The following DLG2 variants were observed in gnomAD, a reference collection of about 807,000 sequenced individuals.
DLG2 encodes the protein discs large MAGUK scaffold protein 2.
DLG2 carries 45 observed loss-of-function variants against 132.5 expected under a neutral mutation model. The ratio of observed to expected loss-of-function variants is 0.34; its 90% CI spans 0.27 to 0.44. The LOEUF (loss-of-function observed/expected upper bound fraction) is 0.44. Ranked by LOEUF, DLG2 falls within the 20% of genes least tolerant of loss-of-function variation. DLG2 has a pLI of 1.00. For missense variants in DLG2, 1,045 were observed against 1,196.9 expected (o/e 0.87, Z 1.87); for synonymous variants, 424 against 419.6 (o/e 1.01, Z -0.13).
In DLG2 at chr11:83,461,986, G is replaced by C. The variant is rs1229594953; in HGVS notation, c.2821+16C>G. ...TTATCCCCTTTCTCACACTACCAGG[G>C]TAAAAGTGAACTTACCTGTAAAATA... On this transcript the variant is annotated intron_variant, in intron 27 of 27. Coordinates refer to ENST00000376104, the MANE Select transcript of DLG2 (RefSeq NM_001142699.3). 1 of 1,542,852 alleles carries C rather than the reference G, an allele frequency of 6.5e-7. No individual in the cohort carries two copies. The highest frequency in any genetic ancestry group is 9.0e-7 in the Non-Finnish European group (1 of 1,115,326).
intron 7 of DLG2, among the ~76,000 whole-genome samples, chr11:84,378,853 A>T (rs1264622389): frequency 1.5e-5 from 1 of 68,090 alleles, no homozygotes; most frequent in Non-Finnish European, 2.6e-5. Flanking sequence ...GCTGAGGAAG[A>T]AAAAATCGTT....
chr11:84,413,436 C>A (rs1027323346), intron 7 of DLG2, among the ~76,000 whole-genome samples: 1 of 152,148 alleles, frequency 6.6e-6, no homozygotes, highest in African/African-American at 2.4e-5. Context: ...TTGAAGAATG[C>A]CAGGCAGCCT....
intron 20 of DLG2, among the ~76,000 whole-genome samples, chr11:83,538,572 G>A (rs1185869758): frequency 2.0e-5 from 3 of 152,178 alleles, no homozygotes; most frequent in Non-Finnish European, 4.4e-5. Flanking sequence ...CTGGTGTTTG[G>A]TCAGTGGCTG....
intron 18 of DLG2, chr11:83,651,831 C>G (rs757648658): frequency 2.1e-5 from 10 of 471,078 alleles, no homozygotes; most frequent in South Asian, 1.5e-4. Flanking sequence ...GAAAGATTTG[C>G]TCCCTACCTG....
intron 4 of DLG2, among the ~76,000 whole-genome samples, chr11:85,223,025 A>C (rs2074753817): frequency 6.6e-6 from 1 of 152,242 alleles, no homozygotes; most frequent in South Asian, 2.1e-4. Flanking sequence ...AACCTAAAGC[A>C]GCAGTCCAGG....
At chr11:83,821,788 C>T (rs1230248068) in intron 17 of DLG2, among the ~76,000 whole-genome samples, 3 of 151,886 alleles carry the variant, frequency 2.0e-5, no homozygotes, top group Non-Finnish European at 2.9e-5. Flanking sequence ...ACTTAATATA[C>T]ATGTATATGA....
intron 18 of DLG2, among the ~76,000 whole-genome samples, chr11:83,639,712 C>A (rs1271494633): frequency 1.4e-5 from 2 of 147,988 alleles, no homozygotes; most frequent in African/African-American, 5.0e-5. Context: ...ACATATGTAA[C>A]AAACCTGCAT....
chr11:84,396,119 G>GA (rs1262736124), intron 7 of DLG2, among the ~76,000 whole-genome samples: 21 of 152,238 alleles, frequency 1.4e-4, no homozygotes, highest in African/African-American at 4.1e-4. Flanking sequence ...TGTGATGTTA[G>GA]AACTTATTTA....
chr11:84,005,161 A>G lies in DLG2; in HGVS notation c.920-24519T>C, dbSNP rs2094523068. ...TGGTATAAAAATAGACACTTAGACC[A>G]ATGGAACAGAATAGAGAAGTCAGAA... On this transcript the variant is annotated intron_variant, in intron 11 of 27. Transcript: ENST00000376104. Among the ~76,000 whole-genome samples, 3 of 152,068 alleles carry G rather than the reference A, an allele frequency of 2.0e-5. No individual in the cohort carries two copies. The South Asian group carries it at 6.2e-4, about 31-fold the overall frequency.
intron 11 of DLG2, among the ~76,000 whole-genome samples, chr11:83,991,091 A>T (rs146743048): frequency 6.6e-6 from 1 of 152,332 alleles, no homozygotes; most frequent in African/African-American, 2.4e-5. Flanking sequence ...AATACCAAAA[A>T]AAAGTATGTT....
At chr11:85,546,530 C>A (rs2076335223) in intron 3 of DLG2, among the ~76,000 whole-genome samples, 1 of 152,120 alleles carries the variant, frequency 6.6e-6, no homozygotes, top group Admixed American at 6.5e-5. Context: ...GAGCTGAGTT[C>A]ACGTCCTGGA....
rs59518828 is a variant in DLG2 at position 83,699,734 on chromosome 11, A to AAAT, written c.1826-66412_1826-66410dup. On this transcript the variant is annotated intron_variant, in intron 18 of 27. Coordinates refer to ENST00000376104, the MANE Select transcript of DLG2 (RefSeq NM_001142699.3). ...AAAAAAAAACATAATAATAATTTAAAAATAATAATAATAATAATAATAATA... is the reference window on the plus strand; with the variant it reads ...AAAAAAAAACATAATAATAATTTAAAAATAATAATAATAATAATAATAATAATA... 3.5e-3 allele frequency among the ~76,000 whole-genome samples: 516 copies of AAAT among 146,806 alleles called. 4 individuals carry two copies. The highest frequency in any genetic ancestry group is 0.021 in the East Asian group (108 of 5,090).
intron 7 of DLG2, among the ~76,000 whole-genome samples, chr11:84,257,785 C>G (rs1379261391): frequency 6.7e-6 from 1 of 149,924 alleles, no homozygotes; most frequent in African/African-American, 2.5e-5. Context: ...CTCCCAAGCT[C>G]AAGCCATCCT....
chr11:84,295,997 C>T (rs757331500), intron 7 of DLG2, among the ~76,000 whole-genome samples: 12 of 152,136 alleles, frequency 7.9e-5, no homozygotes, highest in Non-Finnish European at 1.8e-4. Context: ...AAAGACATCT[C>T]ATGATGACAG....
chr11:85,352,753 A>G (rs1270056324), intron 3 of DLG2, among the ~76,000 whole-genome samples: 3 of 152,226 alleles, frequency 2.0e-5, no homozygotes, highest in Admixed American at 6.5e-5. Flanking sequence ...TCCCTATTTA[A>G]TAAATGGTGC....
chr11:85,595,605 G>A (rs1446351683), intron 3 of DLG2, among the ~76,000 whole-genome samples: 3 of 151,986 alleles, frequency 2.0e-5, no homozygotes, highest in Non-Finnish European at 4.4e-5. Context: ...AAATTAAAGT[G>A]ACTTTTTCTA....
chr11:85,339,809 G>T (rs547899874), intron 3 of DLG2, among the ~76,000 whole-genome samples: 5 of 151,964 alleles, frequency 3.3e-5, no homozygotes, highest in African/African-American at 4.8e-5. Flanking sequence ...GCAAACAACC[G>T]CATCAAAAAG....
At chr11:84,330,593 T>G (rs2098453897) in intron 7 of DLG2, among the ~76,000 whole-genome samples, 1 of 152,148 alleles carries the variant, frequency 6.6e-6, no homozygotes, top group African/African-American at 2.4e-5. Flanking sequence ...GTGTAAGACT[T>G]TGGTTTTTTG....
At chr11:84,331,456 A>AT (rs979368438) in intron 7 of DLG2, among the ~76,000 whole-genome samples, 33 of 150,158 alleles carry the variant, frequency 2.2e-4, no homozygotes, top group South Asian at 2.1e-3. Flanking sequence ...AAAAAAAAAA[A>AT]AAAAATAAAT....
Sources: gnomAD v4.1 joint callset for allele counts (sites outside exome capture counted in the v4.1 genomes callset) on GRCh38, gnomAD v4.1.1 for gene constraint, MANE v1.5 for transcripts, NCBI Gene and HGNC (gene_info 2026-07-23, HGNC 2026-07-21) for gene names.